Variants in FREM1 observed in about 807,000 individuals in gnomAD.
FREM1 encodes FRAS1-related extracellular matrix protein 1.
A neutral mutation model predicts 210.1 loss-of-function variants in FREM1; 220 were observed. The ratio of observed to expected loss-of-function variants is 1.05; its 90% CI spans 0.94 to 1.17. The LOEUF is 1.17. FREM1 is among the 50% of genes most tolerant of loss of function. The probability of loss-of-function intolerance (pLI) is 0.00; values close to 1 mark genes in which losing one functional copy is unlikely to be tolerated. For missense variants in FREM1, 3,454 were observed against 2,675.5 expected, an observed-to-expected ratio of 1.29 and a Z score of -6.42; for synonymous variants, 1,189 against 980.2, an observed-to-expected ratio of 1.21 and a Z score of -3.98.
intron 27 of FREM1, among the ~76,000 whole-genome samples, chr9:14,767,040 A>G (rs1846555103): frequency 6.6e-6 from 1 of 152,186 alleles, no homozygotes; most frequent in Admixed American, 6.6e-5. Flanking sequence ...TATACGTTAC[A>G]CATTTCTTTT....
chr9:14,754,017 G>C (rs933755456), intron 29 of FREM1, among the ~76,000 whole-genome samples: 10 of 152,168 alleles, frequency 6.6e-5, no homozygotes, highest in African/African-American at 2.4e-4. Flanking sequence ...ATCTTATCCA[G>C]TGGAATCTCC....
Position 14,863,866 on chromosome 9 carries a change from T to A in FREM1, c.272A>T (p.Tyr91Phe), listed in dbSNP as rs954211623. The A allele has an allele frequency of 1.9e-6, 3 of 1,613,230 alleles. No homozygotes were observed. The highest frequency in any genetic ancestry group is 8.5e-7 in the Non-Finnish European group (1 of 1,179,328). ...AAGAATTGGACAACCATTGTGAACA[T>A]ACTTGACTTCGTTGGGAAGGAAATG... ...DCHFLPNEVK[Y>F]VHNGCPILDE... The change falls in exon 3 of 37, where the codon TAT (tyrosine) becomes TTT (phenylalanine). Residue 91 changes from tyrosine (Y) to phenylalanine (F), a missense_variant. Transcript: ENST00000380880.
At chr9:14,851,245 A>C in intron 6 of FREM1, 39 bp downstream of exon 6, 1 of 1,464,128 alleles carries the variant, frequency 6.8e-7, no homozygotes, top group East Asian at 2.3e-5. Context: ...TAACCCTGTG[A>C]CTTCTAACTA....
At chr9:14,787,093 C>T (rs1162961528) in intron 23 of FREM1, among the ~76,000 whole-genome samples, 1 of 152,186 alleles carries the variant, frequency 6.6e-6, no homozygotes, top group Non-Finnish European at 1.5e-5. Context: ...AACACAGCAA[C>T]ACAGCAGTTG....
chr9:14,841,105 C>T lies in FREM1; in HGVS notation c.1881+342G>A, dbSNP rs567110105. On this transcript the variant is annotated intron_variant, in intron 10 of 36. Coordinates refer to ENST00000380880, the MANE Select transcript of FREM1 (RefSeq NM_001379081.2). ...GTCAGTGTCAAGATCAAGAGGGAAA[C>T]TCATGCAACCTAACTCTAGAGCCTA... 2.6e-5 allele frequency among the ~76,000 whole-genome samples: 4 copies of T among 152,316 alleles called. No homozygotes were observed. The South Asian group carries it at 6.2e-4, about 24-fold the overall frequency.
Position 14,860,866 on chromosome 9 carries a change from T to TATATACGTATATATACACATATATAC in FREM1, c.330-1383_330-1382insGTATATATGTGTATATATACGTATAT, listed in dbSNP as rs879455765. ...ATACATATATACGTATATATACACA[T>TATATACGTATATATACACATATATAC]ATATATACGTATATATACACATATA... On this transcript the variant is annotated intron_variant, in intron 3 of 36. Coordinates refer to ENST00000380880, the MANE Select transcript of FREM1 (RefSeq NM_001379081.2). Among the ~76,000 whole-genome samples the TATATACGTATATATACACATATATAC allele has an allele frequency of 1.7e-4, 8 of 46,162 alleles. 1 individual carries two copies. Among genetic ancestry groups the TATATACGTATATATACACATATATAC allele is most frequent in the African/African-American group, 1.5e-3 (7 of 4,822 alleles). The allele number at this position is 46,162 out of a possible 152,430, so 30.3% of individuals were successfully genotyped here.
intron 2 of FREM1, among the ~76,000 whole-genome samples, chr9:14,868,324 ACT>A (rs1303927268): frequency 6.6e-6 from 1 of 152,070 alleles, no homozygotes; most frequent in Non-Finnish European, 1.5e-5. Flanking sequence ...ATAATTAGCT[ACT>A]CTATAAGGTC....
chr9:14,743,023 T>G (rs1202011849), intron 35 of FREM1, among the ~76,000 whole-genome samples: 2 of 152,026 alleles, frequency 1.3e-5, no homozygotes, highest in Non-Finnish European at 2.9e-5. Flanking sequence ...ATAAGAGAAG[T>G]GATGGAAGGA....
intron 13 of FREM1, among the ~76,000 whole-genome samples, chr9:14,820,773 C>T (rs1368425906): frequency 6.6e-6 from 1 of 152,192 alleles, no homozygotes; most frequent in Admixed American, 6.5e-5. Flanking sequence ...TGACCTCTCC[C>T]AAGTGTCTCA....
intron 3 of FREM1, among the ~76,000 whole-genome samples, chr9:14,861,322 C>CATATATACATATATACACAT (rs1564108480): frequency 3.0e-4 from 32 of 107,094 alleles, no homozygotes; most frequent in African/African-American, 1.3e-3. Flanking sequence ...CATATATACA[C>CATATATACATATATACACAT]ATATATACAT....
At chr9:14,739,050 G>A (rs1375556900) in intron 36 of FREM1, among the ~76,000 whole-genome samples, 3 of 147,078 alleles carry the variant, frequency 2.0e-5, no homozygotes, top group African/African-American at 7.5e-5. Context: ...TGTTAAAACT[G>A]TAGAAAATAT....
chr9:14,849,430 A>G (rs563204246), intron 6 of FREM1, among the ~76,000 whole-genome samples: 3 of 152,356 alleles, frequency 2.0e-5, no homozygotes, highest in Admixed American at 2.0e-4. Flanking sequence ...GGGCTGCGTG[A>G]TAAGTTTTGA....
chr9:14,903,890 G>A (rs1817176407), intron 1 of FREM1, among the ~76,000 whole-genome samples: 1 of 152,096 alleles, frequency 6.6e-6, no homozygotes, highest in Admixed American at 6.5e-5. Context: ...GGAAGGCCGA[G>A]GCGGGCGGAT....
chr9:14,860,980 TAC>T (rs1469159301), intron 3 of FREM1, among the ~76,000 whole-genome samples: 6 of 124,520 alleles, frequency 4.8e-5, no homozygotes, highest in African/African-American at 1.9e-4. Flanking sequence ...TATACATATA[TAC>T]ACATATATAC....
At position 14,857,703 on chromosome 9, in the gene FREM1, T is replaced by A. The variant is rs1829041953; in HGVS notation, c.678A>T (p.Gly226=). Residue 226 remains glycine, a synonymous_variant, in exon 5 of 37, where the codon GGA becomes GGT. Transcript: ENST00000380880. The part of the protein sequence containing the change: ...LKCPGGSCTP[G]LKKIGSLKVS... ...CTTTGAGGCTTCCTATTTTCTTTAA[T>A]CCTGGGGTACAGCTCCCACCTGGAC... The A allele has an allele frequency of 6.2e-7, 1 of 1,613,556 alleles. No individual in the cohort carries two copies. The highest frequency in any genetic ancestry group is 1.3e-5 in the African/African-American group (1 of 74,998).
In FREM1 at chr9:14,747,260, A is replaced by G. The variant is rs777744025; in HGVS notation, c.6009+4T>C. 1 of 1,608,462 alleles carries G rather than the reference A, an allele frequency of 6.2e-7. No homozygotes were observed. The highest frequency in any genetic ancestry group is 8.5e-7 in the Non-Finnish European group (1 of 1,177,412). On this transcript the variant is annotated splice_donor_region_variant and intron_variant, in intron 33 of 36. Coordinates refer to ENST00000380880, the MANE Select transcript of FREM1 (RefSeq NM_001379081.2). ...TGAGTAAGAAGGAACAAAGATTTTC[A>G]TACCTGTCTGGGGAAGTGTGAGTCA...
intron 27 of FREM1, among the ~76,000 whole-genome samples, chr9:14,765,641 T>C (rs1443081613): frequency 6.6e-6 from 1 of 152,114 alleles, no homozygotes; most frequent in African/African-American, 2.4e-5. Context: ...CTATCAGGTG[T>C]TTCATAAAAG....
At chr9:14,815,949 G>C (rs990420823) in intron 15 of FREM1, among the ~76,000 whole-genome samples, 3 of 152,048 alleles carry the variant, frequency 2.0e-5, no homozygotes, top group Non-Finnish European at 4.4e-5. Flanking sequence ...TGCCCGCTCT[G>C]CACTCGAATT....
At chr9:14,866,281 C>G (rs185156536) in intron 2 of FREM1, among the ~76,000 whole-genome samples, 1 of 152,278 alleles carries the variant, frequency 6.6e-6, no homozygotes, top group East Asian at 1.9e-4. Context: ...TTCTTGTGAA[C>G]AAATGTTTTT....
Sources: allele counts gnomAD v4.1 joint callset (sites outside exome capture counted in the v4.1 genomes callset), GRCh38; gene constraint gnomAD v4.1.1; transcripts MANE v1.5; gene names NCBI Gene and HGNC (gene_info 2026-07-23, HGNC 2026-07-21).